Variants in PLCB4 observed in about 807,000 individuals in gnomAD.
The protein encoded by PLCB4 is 1-phosphatidylinositol 4,5-bisphosphate phosphodiesterase beta-4.
In PLCB4, 77 loss-of-function variants were observed where a neutral mutation model predicts 178.8. The ratio of observed to expected loss-of-function variants is 0.43; its 90% CI spans 0.36 to 0.52. The LOEUF is 0.52. Ranked by LOEUF, PLCB4 falls within the 20% of genes least tolerant of loss-of-function variation. The probability of loss-of-function intolerance (pLI) is 0.00; values close to 1 mark genes in which losing one functional copy is unlikely to be tolerated. For synonymous variants in PLCB4, 496 were observed against 490.8 expected, an observed-to-expected ratio of 1.01 and a Z score of -0.14; for missense variants, 1,024 against 1,453.4, an observed-to-expected ratio of 0.70 and a Z score of 4.80.
At chr20:9,164,791 A>G (rs2092943200) in intron 2 of PLCB4, among the ~76,000 whole-genome samples, 1 of 152,126 alleles carries the variant, frequency 6.6e-6, no homozygotes, top group East Asian at 1.9e-4. Flanking sequence ...TTCAATATAA[A>G]TAAGAGCAAT....
chr20:9,307,956 AT>A, intron 4 of PLCB4, 58 bp downstream of exon 4: 1 of 710,556 alleles, frequency 1.4e-6, no homozygotes, highest in Non-Finnish European at 2.4e-6. Flanking sequence ...TTAAATTTTA[AT>A]TACAGTATTG....
intron 30 of PLCB4, among the ~76,000 whole-genome samples, chr20:9,441,913 T>TA (rs200623975): frequency 1.9e-3 from 291 of 150,758 alleles, no homozygotes; most frequent in African/African-American, 6.7e-3. Context: ...AACACGACTT[T>TA]TTTTTTTTTT....
At chr20:9,345,434 G>T (rs2033698011) in intron 7 of PLCB4, among the ~76,000 whole-genome samples, 2 of 151,990 alleles carry the variant, frequency 1.3e-5, no homozygotes, top group African/African-American at 4.8e-5. Flanking sequence ...AAGGATTTTG[G>T]TGTCTAGCAA....
In PLCB4 at chr20:9,085,555, G is replaced by T. The variant is rs572517913; in HGVS notation, c.-134-10732G>T. Among the ~76,000 whole-genome samples, 197 of 152,182 alleles carry T rather than the reference G, an allele frequency of 1.3e-3. 1 individual carries two copies. The highest frequency in any genetic ancestry group is 2.0e-3 in the Non-Finnish European group (134 of 68,006). ...ATGCATTCTGCTGCTTCTAAAATTA[G>T]TATCTAAGCAATGCATTTTTTAACA... On this transcript the variant is annotated intron_variant, in intron 1 of 39. Transcript: ENST00000378473.
intron 3 of PLCB4, among the ~76,000 whole-genome samples, chr20:9,258,219 G>T (rs1313269251): frequency 6.6e-6 from 1 of 152,192 alleles, no homozygotes; most frequent in Admixed American, 6.5e-5. Context: ...TTTTCCATCT[G>T]AGTTGGAAAA....
chr20:9,205,080 C>T (rs1465542034), intron 2 of PLCB4, among the ~76,000 whole-genome samples: 2 of 152,134 alleles, frequency 1.3e-5, no homozygotes, highest in South Asian at 2.1e-4. Flanking sequence ...GTAACACATC[C>T]TTTAGAAATC....
At chr20:9,274,565 C>T (rs1356613712) in intron 3 of PLCB4, among the ~76,000 whole-genome samples, 1 of 152,060 alleles carries the variant, frequency 6.6e-6, no homozygotes, top group Non-Finnish European at 1.5e-5. Flanking sequence ...TTCCATCAGC[C>T]TTGGACAATG....
chr20:9,459,530 T>C (rs2043263448), intron 34 of PLCB4, 105 bp from the exon 35 acceptor site: 1 of 684,200 alleles, frequency 1.5e-6, no homozygotes, highest in South Asian at 2.7e-5. Flanking sequence ...GATTCACCAA[T>C]TAAGTTGGTG....
intron 2 of PLCB4, among the ~76,000 whole-genome samples, chr20:9,163,250 G>A (rs148989503): frequency 3.4e-4 from 52 of 152,228 alleles, no homozygotes; most frequent in African/African-American, 1.1e-3. Flanking sequence ...TTCTGAAACT[G>A]CCGGGATGAA....
chr20:9,287,754 T>G (rs1489717784), intron 3 of PLCB4, among the ~76,000 whole-genome samples: 1 of 152,126 alleles, frequency 6.6e-6, no homozygotes, highest in Non-Finnish European at 1.5e-5. Flanking sequence ...TAAAATTACT[T>G]TGTTCTATAA....
chr20:9,365,538 G>C (rs973678048), intron 9 of PLCB4, 24 bp downstream of exon 9: 2 of 1,507,222 alleles, frequency 1.3e-6, no homozygotes, highest in African/African-American at 1.4e-5. Flanking sequence ...CCTATCTGCT[G>C]TCCGTGTCCC....
At chr20:9,478,075 A>G (rs2044670727) in intron 39 of PLCB4, among the ~76,000 whole-genome samples, 1 of 152,188 alleles carries the variant, frequency 6.6e-6, no homozygotes, top group Admixed American at 6.6e-5. Context: ...AGATACGTGC[A>G]TTTGGTTGGG....
intron 2 of PLCB4, among the ~76,000 whole-genome samples, chr20:9,122,536 C>T (rs116451941): frequency 2.4e-3 from 372 of 152,240 alleles, no homozygotes; most frequent in African/African-American, 8.6e-3. Context: ...AATGTGGATA[C>T]TTGGGAATTG....
chr20:9,084,909 C>T (rs1283044239), intron 1 of PLCB4, among the ~76,000 whole-genome samples: 11 of 151,868 alleles, frequency 7.2e-5, no homozygotes, highest in East Asian at 3.9e-4. Context: ...AAAAATTAGC[C>T]GGGCGTGGTG....
chr20:9,321,993 G>A (rs2094964822), intron 4 of PLCB4, among the ~76,000 whole-genome samples: 2 of 147,754 alleles, frequency 1.4e-5, no homozygotes, highest in Admixed American at 1.4e-4. Context: ...TGTCACCTAG[G>A]CTGGAGTGCA....
rs115036812 is a variant in PLCB4, at chr20:9,373,576, A to T, written c.744+472A>T. Among the ~76,000 whole-genome samples, 374 of 152,344 alleles carry T rather than the reference A, an allele frequency of 2.5e-3. 1 individual carries two copies. The highest frequency in any genetic ancestry group is 8.5e-3 in the African/African-American group (352 of 41,582). The stretch of plus-strand genomic sequence containing the variant: ...TTAATGGATTGCATGTAAGAAAAAT[A>T]TGTTGGCTCAAATAGAATATTTTGA... On this transcript the variant is annotated intron_variant, in intron 12 of 39. Coordinates refer to ENST00000378473, the MANE Select transcript of PLCB4 (RefSeq NM_001377142.1).
At chr20:9,404,093 A>T (rs1325973056) in intron 20 of PLCB4, among the ~76,000 whole-genome samples, 3 of 152,158 alleles carry the variant, frequency 2.0e-5, no homozygotes, top group Non-Finnish European at 4.4e-5. Flanking sequence ...TTTCGGATGA[A>T]TGAATCTGGA....
At chr20:9,167,921 C>A (rs2092999096) in intron 2 of PLCB4, among the ~76,000 whole-genome samples, 1 of 152,078 alleles carries the variant, frequency 6.6e-6, no homozygotes, top group Non-Finnish European at 1.5e-5. Flanking sequence ...CAAAGCATGA[C>A]CATTAAAATA....
intron 1 of PLCB4, among the ~76,000 whole-genome samples, chr20:9,088,615 A>C (rs970784803): frequency 1.3e-5 from 2 of 152,198 alleles, no homozygotes; most frequent in African/African-American, 4.8e-5. Flanking sequence ...TCTCTGGGAA[A>C]GGTAAAGGTG....
Sources: gnomAD v4.1 joint callset for allele counts (sites outside exome capture counted in the v4.1 genomes callset) on GRCh38, gnomAD v4.1.1 for gene constraint, MANE v1.5 for transcripts, NCBI Gene and HGNC (gene_info 2026-07-23, HGNC 2026-07-21) for gene names.